Variants in PTPRD observed in about 807,000 individuals in gnomAD.
PTPRD encodes the protein receptor-type tyrosine-protein phosphatase delta.
PTPRD carries 34 observed loss-of-function variants against 214.5 expected under a neutral mutation model. That is an observed-to-expected ratio of 0.16 (90% CI 0.12 to 0.21). The LOEUF (loss-of-function observed/expected upper bound fraction) is 0.21. Among genes scored for constraint, PTPRD ranks in the 10% least tolerant of loss-of-function variants. PTPRD has a pLI of 1.00. For synonymous variants in PTPRD, 1,128 were observed against 845.7 expected (o/e 1.33, Z -5.79); for missense variants, 2,545 against 2,398.7 (o/e 1.06, Z -1.27).
intron 2 of PTPRD, among the ~76,000 whole-genome samples, chr9:10,505,132 A>G (rs1462603609): frequency 6.6e-6 from 1 of 152,186 alleles, no homozygotes; most frequent in Non-Finnish European, 1.5e-5. Flanking sequence ...TCGGGTAGCA[A>G]GTAATATGTC....
At chr9:9,775,954 C>CAAAA (rs59412193) in intron 5 of PTPRD, among the ~76,000 whole-genome samples, 2,711 of 28,884 alleles carry the variant, frequency 0.094, 492 homozygotes, top group African/African-American at 0.13. Context: ...GACTCTGTCT[C>CAAAA]AAAAAAAAAA....
At chr9:10,114,904 T>C (rs2098718319) in intron 3 of PTPRD, among the ~76,000 whole-genome samples, 1 of 151,980 alleles carries the variant, frequency 6.6e-6, no homozygotes, top group African/African-American at 2.4e-5. Flanking sequence ...CAGGATTTTA[T>C]TGTAAAATTT....
chr9:10,059,282 T>C (rs1000968844), intron 3 of PTPRD, among the ~76,000 whole-genome samples: 1 of 152,266 alleles, frequency 6.6e-6, no homozygotes, highest in South Asian at 2.1e-4. Flanking sequence ...ACAACTTCCA[T>C]GTTGCGCAAT....
intron 11 of PTPRD, among the ~76,000 whole-genome samples, chr9:8,824,066 T>C (rs961390392): frequency 3.3e-5 from 5 of 152,198 alleles, no homozygotes; most frequent in African/African-American, 7.2e-5. Flanking sequence ...GAGGTCACTC[T>C]TGTCGCCACT....
intron 10 of PTPRD, among the ~76,000 whole-genome samples, chr9:9,054,534 A>G (rs2099692676): frequency 6.6e-6 from 1 of 152,134 alleles, no homozygotes; most frequent in Non-Finnish European, 1.5e-5. Context: ...TTGGAAATAC[A>G]TGGAAACAGT....
chr9:8,824,480 T>C (rs1332789561), intron 11 of PTPRD, among the ~76,000 whole-genome samples: 1 of 152,194 alleles, frequency 6.6e-6, no homozygotes, highest in Non-Finnish European at 1.5e-5. Context: ...CTTTTGAGTT[T>C]TGACAAAAGG....
In PTPRD at chr9:9,905,948, C is replaced by T. The variant is rs117163745; in HGVS notation, c.-368+32559G>A. Among the ~76,000 whole-genome samples the T allele has an allele frequency of 2.5e-4, 38 of 151,978 alleles. No individual in the cohort carries two copies. In the East Asian group the frequency reaches 3.9e-3, roughly 15 times the overall value. ...ATTAAGATAAGGTGGGACCAGAATA[C>T]GGTGGTTTTAGTTGTCAGAGATAAA... On this transcript the variant is annotated intron_variant, in intron 5 of 45. Transcript: ENST00000381196.
intron 3 of PTPRD, among the ~76,000 whole-genome samples, chr9:10,122,669 C>T (rs1406898028): frequency 1.3e-5 from 2 of 152,204 alleles, no homozygotes. Context: ...TTTTCTAAAT[C>T]ATCCTTAAAA....
chr9:10,100,772 C>G (rs1554638605), intron 3 of PTPRD, among the ~76,000 whole-genome samples: 1 of 151,576 alleles, frequency 6.6e-6, no homozygotes, highest in Non-Finnish European at 1.5e-5. Context: ...CATTGTCTTA[C>G]TTTACCTATT....
rs138093154 is a variant in PTPRD, at chr9:10,238,798, A to G, written c.-545+102165T>C. On this transcript the variant is annotated intron_variant, in intron 3 of 45. Coordinates refer to ENST00000381196, the MANE Select transcript of PTPRD (RefSeq NM_002839.4). ...GAAGAAACAAAAGTTGGGATAATTGAATAATGTTTAAGGTGAAATGGAATT... is the reference window on the plus strand; with the variant it reads ...GAAGAAACAAAAGTTGGGATAATTGGATAATGTTTAAGGTGAAATGGAATT... 9.9e-5 allele frequency among the ~76,000 whole-genome samples: 15 copies of G among 152,124 alleles called. No individual in the cohort carries two copies. The East Asian group carries it at 2.9e-3, about 30-fold the overall frequency.
At chr9:10,088,291 A>G (rs1473443657) in intron 3 of PTPRD, among the ~76,000 whole-genome samples, 1 of 151,758 alleles carries the variant, frequency 6.6e-6, no homozygotes, top group East Asian at 1.9e-4. Flanking sequence ...ATGGCTTTTC[A>G]TAGGAAAATG....
intron 37 of PTPRD, among the ~76,000 whole-genome samples, chr9:8,382,714 C>G (rs1393956703): frequency 6.6e-6 from 1 of 152,162 alleles, no homozygotes; most frequent in African/African-American, 2.4e-5. Context: ...TTGTTGCCAG[C>G]GTCCTATTTA....
At chr9:9,802,458 T>C (rs2821490) in intron 5 of PTPRD, among the ~76,000 whole-genome samples, 97,587 of 151,712 alleles carry the variant, frequency 0.64, 33,350 homozygotes, top group East Asian at 0.87. Flanking sequence ...GCCACAGAAC[T>C]CAAACTTAAA....
intron 11 of PTPRD, among the ~76,000 whole-genome samples, chr9:8,945,407 G>A (rs896299313): frequency 2.0e-5 from 3 of 151,782 alleles, no homozygotes; most frequent in African/African-American, 4.8e-5. Flanking sequence ...TCACTTTTCC[G>A]TTTTTACTCT....
At chr9:10,570,050 T>A (rs1242143543) in intron 2 of PTPRD, among the ~76,000 whole-genome samples, 2 of 152,124 alleles carry the variant, frequency 1.3e-5, no homozygotes, top group African/African-American at 4.8e-5. Context: ...CTTTGTCAAA[T>A]GTATAAAGTG....
intron 3 of PTPRD, among the ~76,000 whole-genome samples, chr9:10,146,249 A>C (rs2099022217): frequency 1.3e-5 from 2 of 151,864 alleles, no homozygotes; most frequent in African/African-American, 4.8e-5. Flanking sequence ...CCATGCATAC[A>C]TACATACATA....
chr9:8,471,186 A>T, intron 30 of PTPRD, 101 bp from the exon 31 acceptor site: 7 of 880,612 alleles, frequency 7.9e-6, no homozygotes, highest in Non-Finnish European at 1.3e-5. Flanking sequence ...AAGGCAAATT[A>T]TGGATATGGG....
intron 10 of PTPRD, among the ~76,000 whole-genome samples, chr9:9,078,286 G>T (rs557320571): frequency 6.6e-6 from 1 of 151,906 alleles, no homozygotes; most frequent in African/African-American, 2.4e-5. Flanking sequence ...TTTCCACTTC[G>T]CAAGAATTTC....
intron 10 of PTPRD, among the ~76,000 whole-genome samples, chr9:9,076,026 A>G (rs1224682813): frequency 2.0e-5 from 3 of 152,162 alleles, no homozygotes; most frequent in African/African-American, 7.2e-5. Flanking sequence ...TAGTCCCACC[A>G]ACAGTGTAAA....
Sources: gnomAD v4.1 joint callset for allele counts (sites outside exome capture counted in the v4.1 genomes callset) on GRCh38, gnomAD v4.1.1 for gene constraint, MANE v1.5 for transcripts, NCBI Gene and HGNC (gene_info 2026-07-23, HGNC 2026-07-21) for gene names.